RANGAP1: variants seen among roughly 807,000 people sequenced by gnomAD.
RANGAP1 encodes the protein Ran GTPase activating protein 1.
In RANGAP1, 38 loss-of-function variants were observed where a neutral mutation model predicts 63.5. That is an observed-to-expected ratio of 0.60 (90% CI 0.46 to 0.78). The LOEUF (loss-of-function observed/expected upper bound fraction) is 0.78. Among genes scored for constraint, RANGAP1 ranks in the 30% least tolerant of loss-of-function variants. RANGAP1 has a pLI of 0.00. For missense variants in RANGAP1, 630 were observed against 740.3 expected (o/e 0.85, Z 1.73); for synonymous variants, 329 against 310.5 (o/e 1.06, Z -0.63).
chr22:41,271,379 C>G (rs2034808006), intron 3 of RANGAP1, among the ~76,000 whole-genome samples: 1 of 119,558 alleles, frequency 8.4e-6, no homozygotes, highest in Non-Finnish European at 1.7e-5. Context: ...TGGCGTGAAA[C>G]TGTCTCTAAA....
intron 3 of RANGAP1, among the ~76,000 whole-genome samples, chr22:41,273,883 G>A (rs111805390): frequency 6.6e-6 from 1 of 151,174 alleles, no homozygotes; most frequent in East Asian, 1.9e-4. Flanking sequence ...AGACCATCCT[G>A]GCTAACACAG....
the RANGAP1 span, among the ~76,000 whole-genome samples, chr22:41,293,756 G>C: frequency 5.3e-5 from 6 of 112,942 alleles, no homozygotes; most frequent in African/African-American, 2.0e-4. Context: ...TCCAGACTCT[G>C]TCTCAAAAAA....
At chr22:41,278,078 C>T (rs1216185551) in intron 2 of RANGAP1, among the ~76,000 whole-genome samples, 2 of 150,944 alleles carry the variant, frequency 1.3e-5, no homozygotes, top group African/African-American at 4.9e-5. Context: ...GTTCTGTCAC[C>T]GAGGCTGGAG....
Position 41,251,299 on chromosome 22 carries a change from G to A in RANGAP1, c.1381-190C>T, listed in dbSNP as rs17002382. 1.7e-3 allele frequency among the ~76,000 whole-genome samples: 263 copies of A among 152,286 alleles called. 7 individuals are homozygous for A. The East Asian group carries it at 0.047, about 27-fold the overall frequency. ...CTGCAGCAAGCACATATGCAGCATA[G>A]AGAGGGAATGAATGAGTGAATGAAC... is the stretch of plus-strand genomic sequence containing the variant. On this transcript the variant is annotated intron_variant, in intron 12 of 15. Coordinates refer to ENST00000356244, the MANE Select transcript of RANGAP1 (RefSeq NM_002883.4).
chr22:41,269,924 C>T (rs777381330), intron 3 of RANGAP1, among the ~76,000 whole-genome samples: 1 of 152,138 alleles, frequency 6.6e-6, no homozygotes, highest in Non-Finnish European at 1.5e-5. Context: ...ATCTCCGCCT[C>T]CCAGGTTCAA....
intron 4 of RANGAP1, among the ~76,000 whole-genome samples, chr22:41,266,504 A>G (rs1158246006): frequency 6.6e-6 from 1 of 152,234 alleles, no homozygotes; most frequent in Non-Finnish European, 1.5e-5. Context: ...TATGCAAAAG[A>G]GAGTTCTCTT....
intron 3 of RANGAP1, among the ~76,000 whole-genome samples, chr22:41,271,405 AAAAC>A (rs2034818563): frequency 6.6e-6 from 1 of 150,448 alleles, no homozygotes. Flanking sequence ...ACAAAAAAAA[AAAAC>A]AAAAACGCCG....
At chr22:41,298,028 T>C in the RANGAP1 span, among the ~76,000 whole-genome samples, 1 of 152,010 alleles carries the variant, frequency 6.6e-6, no homozygotes, top group Admixed American at 6.6e-5. Context: ...TGGCTGATAT[T>C]TGTATTTTTA....
upstream of RANGAP1, among the ~76,000 whole-genome samples, chr22:41,290,000 G>A (rs2035819257): frequency 6.6e-6 from 1 of 152,008 alleles, no homozygotes; most frequent in South Asian, 2.1e-4. Flanking sequence ...AATTAGCCAG[G>A]CATGGTGGTA....
At chr22:41,293,511 G>A in the RANGAP1 span, among the ~76,000 whole-genome samples, 2 of 151,978 alleles carry the variant, frequency 1.3e-5, 1 homozygote, top group South Asian at 4.1e-4. Context: ...TGGGTGCAGT[G>A]CCTCACGCCT....
Position 41,252,855 on chromosome 22 carries a change from C to G in RANGAP1, c.1380+17G>C, listed in dbSNP as rs1018765248. 1 of 1,562,982 alleles carries G rather than the reference C, an allele frequency of 6.4e-7. No homozygotes were observed. The highest frequency in any genetic ancestry group is 1.4e-5 in the African/African-American group (1 of 70,932). On this transcript the variant is annotated intron_variant, in intron 12 of 15. Coordinates refer to ENST00000356244, the MANE Select transcript of RANGAP1 (RefSeq NM_002883.4). Reference sequence around the variant, plus strand: ...GCCACAGCACGTACAGCGTGGGGGTCGAGGGGTGGTTATTACCTGCTGGGC... The same window carrying G: ...GCCACAGCACGTACAGCGTGGGGGTGGAGGGGTGGTTATTACCTGCTGGGC...
chr22:41,260,350 A>G (rs1282336238), intron 6 of RANGAP1, among the ~76,000 whole-genome samples: 1 of 152,120 alleles, frequency 6.6e-6, no homozygotes, highest in Non-Finnish European at 1.5e-5. Context: ...GATGGCAGTG[A>G]GGCCCCCACC....
chr22:41,260,392 C>G (rs904415859), intron 6 of RANGAP1, among the ~76,000 whole-genome samples: 11 of 152,170 alleles, frequency 7.2e-5, no homozygotes, highest in Non-Finnish European at 1.0e-4. Flanking sequence ...AGCTCCCCTG[C>G]AGCCAGGGGT....
the RANGAP1 span, among the ~76,000 whole-genome samples, chr22:41,296,373 G>A: frequency 6.6e-6 from 1 of 152,166 alleles, no homozygotes; most frequent in African/African-American, 2.4e-5. Context: ...AAGGCTGGGT[G>A]AGGTGGCTCA....
chr22:41,267,322 G>A (rs1310549766), intron 4 of RANGAP1, among the ~76,000 whole-genome samples: 1 of 152,146 alleles, frequency 6.6e-6, no homozygotes, highest in East Asian at 1.9e-4. Context: ...CTGGGCAACA[G>A]AGCAAGACCC....
intron 3 of RANGAP1, among the ~76,000 whole-genome samples, chr22:41,270,863 G>T (rs904225973): frequency 1.3e-5 from 2 of 152,184 alleles, no homozygotes; most frequent in African/African-American, 4.8e-5. Flanking sequence ...AGCCGGAGCC[G>T]GAGCGCCACA....
chr22:41,250,737 A>G (rs1463990223), intron 13 of RANGAP1, among the ~76,000 whole-genome samples: 1 of 152,018 alleles, frequency 6.6e-6, no homozygotes, highest in Non-Finnish European at 1.5e-5. Flanking sequence ...AGATGTGACT[A>G]TCTGGACTTC....
chr22:41,252,095 G>C (rs1222103104), intron 12 of RANGAP1, among the ~76,000 whole-genome samples: 1 of 152,114 alleles, frequency 6.6e-6, no homozygotes, highest in Non-Finnish European at 1.5e-5. Flanking sequence ...CACTTTGGGA[G>C]GCCGAGGTGG....
At chr22:41,259,165 C>T (rs2034018820) in intron 6 of RANGAP1, among the ~76,000 whole-genome samples, 1 of 152,152 alleles carries the variant, frequency 6.6e-6, no homozygotes, top group Admixed American at 6.6e-5. Context: ...CCATCGGCCC[C>T]TGAGCTTTGG....
Sources: allele counts gnomAD v4.1 joint callset (sites outside exome capture counted in the v4.1 genomes callset), GRCh38; gene constraint gnomAD v4.1.1; transcripts MANE v1.5; gene names NCBI Gene and HGNC (gene_info 2026-07-23, HGNC 2026-07-21).